Variants in MAPRE3 observed in about 807,000 individuals in gnomAD.
The protein encoded by MAPRE3 is microtubule associated protein RP/EB family member 3, also known as microtubule-associated protein RP/EB family member 3.
In MAPRE3, 2 loss-of-function variants were observed where a neutral mutation model predicts 30.5. That is an observed-to-expected ratio of 0.07 (90% CI 0.03 to 0.21). The LOEUF is 0.21. Ranked by LOEUF, MAPRE3 falls within the 10% of genes least tolerant of loss-of-function variation. The pLI is 1.00. For missense variants in MAPRE3, 204 were observed against 351.8 expected, an observed-to-expected ratio of 0.58 and a Z score of 3.36; for synonymous variants, 110 against 127.7, an observed-to-expected ratio of 0.86 and a Z score of 0.93.
At chr2:27,011,861 AAAAG>A (rs1481450104) in intron 1 of MAPRE3, 28 of 148,642 alleles carry the variant, frequency 1.9e-4, no homozygotes, top group African/African-American at 6.4e-4. Flanking sequence ...AAAAAAAAAA[AAAAG>A]AAAGAGAGAG....
Position 26,986,600 on chromosome 2 carries a change from G to T in MAPRE3, c.-8+15798G>T, listed in dbSNP as rs1666225382. The T allele has an allele frequency of 6.6e-6, 1 of 152,220 alleles. No individual in the cohort carries two copies. Among genetic ancestry groups the T allele is most frequent in the African/African-American group, 2.4e-5 (1 of 41,434 alleles). The allele number at this position is 152,220 out of a possible 1,614,324, so 9.4% of individuals were successfully genotyped here. A position where few individuals can be genotyped will look rare whatever the true frequency, so the allele number is the denominator to read the frequency against. Reference sequence around the variant, plus strand: ...GGTATGAATGTGAGCTAGGCAAGATGAGGTTCTCCCTGTAAGTTTTCGAGG... The same window carrying T: ...GGTATGAATGTGAGCTAGGCAAGATTAGGTTCTCCCTGTAAGTTTTCGAGG... On this transcript the variant is annotated intron_variant, in intron 1 of 6. Transcript: ENST00000233121. The surrounding 1 kb of genome is among the most constrained non-coding windows in gnomAD (Gnocchi z 4.2).
At chr2:26,973,701 G>A (rs1382039303) in intron 1 of MAPRE3, among the ~76,000 whole-genome samples, 1 of 151,872 alleles carries the variant, frequency 6.6e-6, no homozygotes, top group African/African-American at 2.4e-5. Flanking sequence ...GACTACAGGC[G>A]CCCGCCACCG....
chr2:27,010,439 C>CTTTT lies in MAPRE3; in HGVS notation c.-7-11757_-7-11754dup, dbSNP rs71401549. ...ACAAGCCTACTTTTAATCTGTATTT[C>CTTTT]TTTTTTTTTTTTTTTTTTTGAGATG... is the stretch of plus-strand genomic sequence containing the variant. On this transcript the variant is annotated intron_variant, in intron 1 of 6. Coordinates refer to ENST00000233121, the MANE Select transcript of MAPRE3 (RefSeq NM_012326.4). Among the ~76,000 whole-genome samples, 46 of 115,472 alleles carry CTTTT rather than the reference C, an allele frequency of 4.0e-4. 1 individual carries two copies. The highest frequency in any genetic ancestry group is 5.8e-4 in the South Asian group (2 of 3,478). 75.8% of individuals were successfully genotyped at this position (115,472 alleles called of 152,430 possible).
chr2:27,020,133 C>T (rs10207670), intron 1 of MAPRE3, among the ~76,000 whole-genome samples: 44,435 of 151,966 alleles, frequency 0.29, 6,787 homozygotes, highest in Admixed American at 0.37. Flanking sequence ...GGGGTGGGGA[C>T]GGCATTCCAG....
At chr2:27,011,000 A>G (rs1666844591) in intron 1 of MAPRE3, among the ~76,000 whole-genome samples, 1 of 152,124 alleles carries the variant, frequency 6.6e-6, no homozygotes, top group Admixed American at 6.5e-5. Context: ...TTTAATGACC[A>G]TATCGCCACC....
intron 1 of MAPRE3, among the ~76,000 whole-genome samples, chr2:27,004,410 C>T (rs1666675570): frequency 6.6e-6 from 1 of 152,108 alleles, no homozygotes; most frequent in South Asian, 2.1e-4. Context: ...TAGCCCCTTC[C>T]TCCTCCCCCT....
intron 1 of MAPRE3, among the ~76,000 whole-genome samples, chr2:26,983,444 C>G (rs1666157739): frequency 6.6e-6 from 1 of 152,110 alleles, no homozygotes; most frequent in Non-Finnish European, 1.5e-5. Context: ...TTTTCAGGAC[C>G]CAGCAAGGCA....
intron 1 of MAPRE3, among the ~76,000 whole-genome samples, chr2:26,999,854 G>C (rs1427001284): frequency 6.6e-6 from 1 of 151,924 alleles, no homozygotes; most frequent in African/African-American, 2.4e-5. Context: ...TTTTTTGGCA[G>C]ATTTTTTTAA....
intron 1 of MAPRE3, among the ~76,000 whole-genome samples, chr2:26,983,748 G>A (rs1666164511): frequency 1.3e-5 from 2 of 152,208 alleles, no homozygotes; most frequent in Admixed American, 1.3e-4. Context: ...TCCCAGAGCT[G>A]TTAGCTAAAA....
At chr2:27,026,126 T>C in intron 6 of MAPRE3, 94 bp downstream of exon 6, 1 of 1,506,684 alleles carries the variant, frequency 6.6e-7, no homozygotes, top group East Asian at 2.3e-5. Context: ...GGAGAACATT[T>C]ACTGATGAGA....
intron 1 of MAPRE3, among the ~76,000 whole-genome samples, chr2:26,998,409 T>C (rs1222489955): frequency 1.3e-5 from 2 of 152,220 alleles, no homozygotes; most frequent in East Asian, 3.8e-4. Flanking sequence ...ACAGGTGTCA[T>C]CTGACAAGCC....
At chr2:26,997,130 A>G (rs993690791) in intron 1 of MAPRE3, among the ~76,000 whole-genome samples, 2 of 152,224 alleles carry the variant, frequency 1.3e-5, no homozygotes, top group Non-Finnish European at 2.9e-5. Context: ...AGTAGAAATT[A>G]GCAGTCCCCA....
At chr2:27,023,500 G>T (rs199707029) in intron 3 of MAPRE3, 23 bp downstream of exon 3, 1 of 1,612,870 alleles carries the variant, frequency 6.2e-7, no homozygotes, top group African/African-American at 1.3e-5. Flanking sequence ...GCTCTGGGGG[G>T]CCCTGAGGAG....
intron 1 of MAPRE3, chr2:27,014,765 A>G (rs973765607): frequency 6.6e-6 from 1 of 152,094 alleles, no homozygotes; most frequent in Admixed American, 6.6e-5. Flanking sequence ...TACTGCCTCC[A>G]TGCAAGCCCA....
At chr2:26,978,357 G>C (rs1666053548) in intron 1 of MAPRE3, among the ~76,000 whole-genome samples, 1 of 152,170 alleles carries the variant, frequency 6.6e-6, no homozygotes, top group Non-Finnish European at 1.5e-5. Context: ...TTTCACGCAG[G>C]CTTATCTCCA....
chr2:26,991,085 C>G (rs1469019812), intron 1 of MAPRE3, among the ~76,000 whole-genome samples: 1 of 152,160 alleles, frequency 6.6e-6, no homozygotes, highest in Non-Finnish European at 1.5e-5. Context: ...AACCCCGTCT[C>G]TACTAAAAAT....
rs1206653803 is a variant in MAPRE3 at position 27,023,268 on chromosome 2, TGAGA to T, written c.122-58_122-55del. 4.6e-6 allele frequency: 7 copies of T among 1,532,126 alleles called. No homozygotes were observed. The African/African-American group carries it at 8.2e-5, about 18-fold the overall frequency. The allele number at this position is 1,532,126 out of a possible 1,614,324, so 94.9% of individuals were successfully genotyped here. ...GAAGAGGAGACGGGGTTTGGGGAAGTGAGAGAGAGCAGCTCACAGAAGGAGAGCA... is the reference window on the plus strand; with the variant it reads ...GAAGAGGAGACGGGGTTTGGGGAAGTGAGAGCAGCTCACAGAAGGAGAGCA... On this transcript the variant is annotated intron_variant, in intron 2 of 6. Transcript: ENST00000233121.
At chr2:26,979,813 A>G (rs1317580837) in intron 1 of MAPRE3, among the ~76,000 whole-genome samples, 1 of 152,156 alleles carries the variant, frequency 6.6e-6, no homozygotes, top group Non-Finnish European at 1.5e-5. Flanking sequence ...GGTGACATTA[A>G]CCAGAAATTA....
chr2:26,978,496 G>C (rs1197252065), intron 1 of MAPRE3, among the ~76,000 whole-genome samples: 1 of 151,760 alleles, frequency 6.6e-6, no homozygotes, highest in Admixed American at 6.6e-5. Context: ...TTTGGTCCTT[G>C]ATTTGTTCTG....
Sources: gnomAD v4.1 joint callset for allele counts (sites outside exome capture counted in the v4.1 genomes callset) on GRCh38, gnomAD v4.1.1 for gene constraint, Gnocchi (gnomAD v3.1) non-coding constraint, MANE v1.5 for transcripts, NCBI Gene and HGNC (gene_info 2026-07-23, HGNC 2026-07-21) for gene names.